Variants in CCSER1 observed in about 807,000 individuals in gnomAD.
CCSER1 encodes the protein serine-rich coiled-coil domain-containing protein 1.
CCSER1 carries 41 observed loss-of-function variants against 82.0 expected under a neutral mutation model. That is an observed-to-expected ratio of 0.50 (90% confidence interval 0.39 to 0.65). The LOEUF (loss-of-function observed/expected upper bound fraction) is 0.65. Ranked by LOEUF, CCSER1 falls within the 30% of genes least tolerant of loss-of-function variation. CCSER1 has a pLI of 0.00. For missense variants in CCSER1, 1,119 were observed against 1,064.2 expected, an observed-to-expected ratio of 1.05 and a Z score of -0.72; for synonymous variants, 414 against 383.9, an observed-to-expected ratio of 1.08 and a Z score of -0.92.
intron 6 of CCSER1, among the ~76,000 whole-genome samples, chr4:90,719,443 A>G (rs984439210): frequency 6.6e-6 from 1 of 152,150 alleles, no homozygotes; most frequent in African/African-American, 2.4e-5. Flanking sequence ...CAATAAATGT[A>G]CTTGAATCAT....
At chr4:91,278,601 T>A (rs1184547506) in intron 10 of CCSER1, among the ~76,000 whole-genome samples, 1 of 152,074 alleles carries the variant, frequency 6.6e-6, no homozygotes, top group Non-Finnish European at 1.5e-5. Context: ...TATAGTTGGG[T>A]CCTGTTTGTG....
At chr4:91,101,732 TG>T (rs1198549776) in intron 10 of CCSER1, among the ~76,000 whole-genome samples, 2 of 152,128 alleles carry the variant, frequency 1.3e-5, no homozygotes, top group African/African-American at 4.8e-5. Flanking sequence ...AGAAAGGTTT[TG>T]AAAAGGTAAT....
At chr4:91,103,229 A>G (rs911135997) in intron 10 of CCSER1, among the ~76,000 whole-genome samples, 2 of 151,976 alleles carry the variant, frequency 1.3e-5, no homozygotes, top group Non-Finnish European at 1.5e-5. Context: ...TTCACATCCT[A>G]TCCTCCAAGC....
At chr4:90,232,942 T>C in intron 1 of CCSER1, among the ~76,000 whole-genome samples, 1 of 150,450 alleles carries the variant, frequency 6.6e-6, no homozygotes, top group African/African-American at 2.4e-5. Flanking sequence ...TCACACCAGT[T>C]AGAATGGCAA....
intron 5 of CCSER1, among the ~76,000 whole-genome samples, chr4:90,551,706 C>CTCTCTCTCTCTCTCTCTCTCTATATATA: frequency 9.6e-6 from 1 of 104,240 alleles, no homozygotes; most frequent in African/African-American, 4.6e-5. Flanking sequence ...CTCTCTCTCT[C>CTCTCTCTCTCTCTCTCTCTCTATATATA]TATATATATA....
At chr4:90,176,337 G>C (rs1732654286) in intron 1 of CCSER1, among the ~76,000 whole-genome samples, 1 of 151,994 alleles carries the variant, frequency 6.6e-6, no homozygotes, top group Admixed American at 6.6e-5. Context: ...AAGAGCTTTA[G>C]ACACAGGATA....
At chr4:91,113,996 GCGCCCACTACCA>G (rs1219015247) in intron 10 of CCSER1, among the ~76,000 whole-genome samples, 1 of 152,056 alleles carries the variant, frequency 6.6e-6, no homozygotes, top group Admixed American at 6.6e-5. Context: ...GGGACCACAG[GCGCCCACTACCA>G]CGCCCGGCTA....
intron 10 of CCSER1, among the ~76,000 whole-genome samples, chr4:91,173,593 CAAAAAA>C (rs55747744): frequency 6.2e-4 from 65 of 104,686 alleles, no homozygotes; most frequent in African/African-American, 1.8e-3. Flanking sequence ...GACTCCGTCT[CAAAAAA>C]AAAAAAAAAA....
chr4:91,319,774 T>C (rs6532290), intron 10 of CCSER1: 1 of 454,190 alleles, frequency 2.2e-6, no homozygotes, highest in Non-Finnish European at 4.4e-6. Flanking sequence ...GCTGCTTCTC[T>C]TATGCTCTAA....
intron 1 of CCSER1, among the ~76,000 whole-genome samples, chr4:90,233,634 TAAA>T (rs201436932): frequency 7.1e-6 from 1 of 140,622 alleles, no homozygotes; most frequent in African/African-American, 2.5e-5. Context: ...AATAATAAAT[TAAA>T]AAAAAAAAAC....
chr4:90,181,787 C>T (rs970504110), intron 1 of CCSER1, among the ~76,000 whole-genome samples: 3 of 152,158 alleles, frequency 2.0e-5, no homozygotes, highest in African/African-American at 7.2e-5. Context: ...ATATTCTGGG[C>T]TGGTAGAGCA....
intron 10 of CCSER1, among the ~76,000 whole-genome samples, chr4:91,401,182 C>A (rs12648320): frequency 0.71 from 106,553 of 150,754 alleles, 37,729 homozygotes; most frequent in East Asian, 0.86. Context: ...TGACTTTCAG[C>A]CATTAAAATA....
At chr4:91,440,684 G>GT (rs1222271253) in intron 10 of CCSER1, among the ~76,000 whole-genome samples, 1 of 152,094 alleles carries the variant, frequency 6.6e-6, no homozygotes, top group African/African-American at 2.4e-5. Flanking sequence ...TCCAGGAGCT[G>GT]TTTTTTTGAA....
At chr4:90,265,884 T>C (rs1252121424) in intron 1 of CCSER1, among the ~76,000 whole-genome samples, 3 of 152,116 alleles carry the variant, frequency 2.0e-5, no homozygotes, top group Admixed American at 1.3e-4. Context: ...ATAGCTCTAT[T>C]ATAATCTTAC....
At chr4:90,694,284 A>G (rs1736569794) in intron 6 of CCSER1, among the ~76,000 whole-genome samples, 1 of 151,994 alleles carries the variant, frequency 6.6e-6, no homozygotes, top group Non-Finnish European at 1.5e-5. Flanking sequence ...ATAATCCACA[A>G]TTGTAGTGTG....
At chr4:90,364,428 T>C (rs1384714559) in intron 3 of CCSER1, among the ~76,000 whole-genome samples, 1 of 152,046 alleles carries the variant, frequency 6.6e-6, no homozygotes, top group Non-Finnish European at 1.5e-5. Flanking sequence ...ATTGATGGTG[T>C]TCTGATTTTA....
At chr4:91,406,040 C>A (rs949438837) in intron 10 of CCSER1, among the ~76,000 whole-genome samples, 1 of 152,096 alleles carries the variant, frequency 6.6e-6, no homozygotes, top group African/African-American at 2.4e-5. Context: ...ATCCATACAA[C>A]AAACCTATGA....
At chr4:90,937,548 TCCA>T (rs1731101894) in intron 9 of CCSER1, among the ~76,000 whole-genome samples, 1 of 150,032 alleles carries the variant, frequency 6.7e-6, no homozygotes, top group African/African-American at 2.5e-5. Context: ...TAGGGTAGAA[TCCA>T]CACTCCCCAA....
At chr4:90,438,139 G>A (rs185913414) in intron 4 of CCSER1, among the ~76,000 whole-genome samples, 261 of 152,234 alleles carry the variant, frequency 1.7e-3, no homozygotes, top group African/African-American at 6.2e-3. Context: ...CATTTCAGGT[G>A]TTATATCATT....
Sources: gnomAD v4.1 joint callset for allele counts (sites outside exome capture counted in the v4.1 genomes callset) on GRCh38, gnomAD v4.1.1 for gene constraint, MANE v1.5 for transcripts, NCBI Gene and HGNC (gene_info 2026-07-23, HGNC 2026-07-21) for gene names.